The following CEP112 variants were observed in gnomAD, a reference collection of about 807,000 sequenced individuals.
CEP112 encodes centrosomal protein 112.
CEP112 carries 127 observed loss-of-function variants against 153.0 expected under a neutral mutation model. That is an observed-to-expected ratio of 0.83 (90% CI 0.72 to 0.96). The LOEUF is 0.96. Among genes scored for constraint, CEP112 ranks in the 40% least tolerant of loss-of-function variants. The pLI is 0.00. For missense variants in CEP112, 1,089 were observed against 1,101.2 expected (o/e 0.99, Z 0.16); for synonymous variants, 358 against 374.4 (o/e 0.96, Z 0.51).
intron 23 of CEP112, among the ~76,000 whole-genome samples, chr17:65,719,002 T>C (rs1403596127): frequency 6.6e-6 from 1 of 152,166 alleles, no homozygotes; most frequent in Non-Finnish European, 1.5e-5. Flanking sequence ...AAATCGAGGA[T>C]GTGGGGATAC....
At chr17:65,760,301 A>C (rs554597362) in intron 21 of CEP112, among the ~76,000 whole-genome samples, 10 of 152,196 alleles carry the variant, frequency 6.6e-5, no homozygotes, top group African/African-American at 2.4e-4. Flanking sequence ...GTTAAAAAGG[A>C]GTGGTGAGAG....
At chr17:65,865,852 C>T (rs8078755) in intron 20 of CEP112, among the ~76,000 whole-genome samples, 99,603 of 152,046 alleles carry the variant, frequency 0.66, 33,418 homozygotes, top group Middle Eastern at 0.82. Flanking sequence ...CTGACAGTGG[C>T]GGAGCAGCAC....
At chr17:65,771,895 T>C (rs6504353) in intron 21 of CEP112, among the ~76,000 whole-genome samples, 72,707 of 151,682 alleles carry the variant, frequency 0.48, 19,083 homozygotes, top group East Asian at 0.78. Context: ...GTGGTACATG[T>C]CTGTATTCCT....
chr17:65,866,147 T>C (rs1250309815), intron 20 of CEP112, among the ~76,000 whole-genome samples: 1 of 152,076 alleles, frequency 6.6e-6, no homozygotes, highest in East Asian at 1.9e-4. Context: ...AGGCCCCCCA[T>C]TTCCCCAACA....
intron 24 of CEP112, among the ~76,000 whole-genome samples, chr17:65,673,628 A>G (rs2047088279): frequency 6.6e-6 from 1 of 152,216 alleles, no homozygotes; most frequent in Admixed American, 6.5e-5. Context: ...GAGGTAGATT[A>G]AAGAGTTAAA....
At chr17:65,832,228 C>T (rs779603444) in intron 21 of CEP112, among the ~76,000 whole-genome samples, 1 of 151,890 alleles carries the variant, frequency 6.6e-6, no homozygotes, top group Admixed American at 6.6e-5. Context: ...ACTAAATATC[C>T]ACATCAAAAA....
At chr17:65,781,327 G>A (rs1305894022) in intron 21 of CEP112, among the ~76,000 whole-genome samples, 3 of 152,038 alleles carry the variant, frequency 2.0e-5, no homozygotes, top group African/African-American at 7.2e-5. Context: ...TACAAACATT[G>A]CTAAAATAAA....
chr17:66,126,286 T>C (rs988073913), intron 6 of CEP112, among the ~76,000 whole-genome samples: 2 of 152,204 alleles, frequency 1.3e-5, no homozygotes, highest in Non-Finnish European at 2.9e-5. Context: ...ATTCCTGACA[T>C]AGATCTTAAG....
chr17:65,750,587 GTGCCAAGGCTTTTA>G, intron 22 of CEP112, 61 bp downstream of exon 22: 1 of 1,240,810 alleles, frequency 8.1e-7, no homozygotes, highest in East Asian at 2.3e-5. Flanking sequence ...TAACTTGAAA[GTGCCAAGGCTTTTA>G]TGTGGAGGTT....
intron 21 of CEP112, among the ~76,000 whole-genome samples, chr17:65,805,456 G>A (rs775217806): frequency 6.6e-6 from 1 of 152,162 alleles, no homozygotes; most frequent in Non-Finnish European, 1.5e-5. Flanking sequence ...TAACAATGTG[G>A]GGTAGATTTT....
rs755741233 is a variant in CEP112 at position 65,689,204 on chromosome 17, T to C, written c.2622A>G (p.Glu874=). Residue 874 remains glutamate, a synonymous_variant, in exon 24 of 27, where the codon GAA becomes GAG. Transcript: ENST00000535342. ...GCACCTGATTAGAACGGTTTTCTAA[T>C]TCATCTTGTAAAACCTGAAACGGTA... ...NDQAIKVLQD[E]LENRSNQVRC... 5 of 1,611,724 alleles carry C rather than the reference T, an allele frequency of 3.1e-6. No homozygotes were observed. Among genetic ancestry groups the C allele is most frequent in the Non-Finnish European group, 4.2e-6 (5 of 1,177,870 alleles).
intron 23 of CEP112, among the ~76,000 whole-genome samples, chr17:65,729,108 T>C (rs1359714145): frequency 2.6e-5 from 4 of 152,240 alleles, no homozygotes; most frequent in Non-Finnish European, 5.9e-5. Context: ...TAATTGTACA[T>C]ATTCCGTTTT....
At chr17:65,706,613 A>C (rs2048926594) in intron 23 of CEP112, among the ~76,000 whole-genome samples, 1 of 152,106 alleles carries the variant, frequency 6.6e-6, no homozygotes, top group African/African-American at 2.4e-5. Context: ...CTCTCCTTCC[A>C]CTCACCCCTT....
chr17:65,682,881 T>A (rs1168184425), intron 24 of CEP112, among the ~76,000 whole-genome samples: 1 of 152,210 alleles, frequency 6.6e-6, no homozygotes, highest in African/African-American at 2.4e-5. Context: ...ATCTCTATGA[T>A]GTTTGATAGT....
chr17:65,960,941 G>A lies in CEP112; in HGVS notation c.1872+522C>T, dbSNP rs533558292. 1.9e-3 allele frequency among the ~76,000 whole-genome samples: 288 copies of A among 151,792 alleles called. 3 individuals carry two copies. The highest frequency in any genetic ancestry group is 6.7e-3 in the African/African-American group (277 of 41,374). Reference sequence around the variant, plus strand: ...ACGTTAACAATTATTGCATCTTTGCGATGGGTACCCAGGTGTTTGTAATAA... The same window carrying A: ...ACGTTAACAATTATTGCATCTTTGCAATGGGTACCCAGGTGTTTGTAATAA... On this transcript the variant is annotated intron_variant, in intron 18 of 26. Transcript: ENST00000535342.
At chr17:65,969,631 A>T (rs12938891) in intron 17 of CEP112, among the ~76,000 whole-genome samples, 23 of 152,116 alleles carry the variant, frequency 1.5e-4, no homozygotes, top group African/African-American at 5.3e-4. Flanking sequence ...TGCACTGCAC[A>T]CATATTGCAA....
In CEP112 at chr17:65,774,891, C is replaced by T. The variant is rs115542995; in HGVS notation, c.2395-24167G>A. Among the ~76,000 whole-genome samples the T allele has an allele frequency of 4.4e-3, 674 of 152,250 alleles. 4 individuals are homozygous for T. The highest frequency in any genetic ancestry group is 0.016 in the African/African-American group (666 of 41,548). On this transcript the variant is annotated intron_variant, in intron 21 of 26. Coordinates refer to ENST00000535342, the MANE Select transcript of CEP112 (RefSeq NM_001199165.4). ...CAGCATATCAGCAGGAAGGGTTCAG[C>T]GAGGCTTTGGTGGTATTTGGCTCAG... is the stretch of plus-strand genomic sequence containing the variant.
chr17:65,729,843 T>C (rs574235791), intron 23 of CEP112, among the ~76,000 whole-genome samples: 2 of 151,860 alleles, frequency 1.3e-5, no homozygotes, highest in African/African-American at 4.8e-5. Context: ...AGCCCAGGAG[T>C]TGGAGGCTGC....
At chr17:65,935,483 T>C (rs1307146323) in intron 18 of CEP112, among the ~76,000 whole-genome samples, 2 of 152,192 alleles carry the variant, frequency 1.3e-5, no homozygotes, top group Admixed American at 1.3e-4. Flanking sequence ...ATGTCTCAAG[T>C]ACAACATGAA....
Sources: allele counts gnomAD v4.1 joint callset (sites outside exome capture counted in the v4.1 genomes callset), GRCh38; gene constraint gnomAD v4.1.1; transcripts MANE v1.5; gene names NCBI Gene and HGNC (gene_info 2026-07-23, HGNC 2026-07-21).